The following TNNI3K variants were observed in gnomAD, a reference collection of about 807,000 sequenced individuals.
TNNI3K encodes TNNI3 interacting kinase.
A neutral mutation model predicts 114.5 loss-of-function variants in TNNI3K; 140 were observed. The ratio of observed to expected loss-of-function variants is 1.22; its 90% confidence interval spans 1.07 to 1.41. The LOEUF (loss-of-function observed/expected upper bound fraction) is 1.41, where lower values mean the gene tolerates loss of function less well. TNNI3K is among the 40% of genes most tolerant of loss of function. The pLI is 0.00. For missense variants in TNNI3K, 1,125 were observed against 1,007.6 expected, an observed-to-expected ratio of 1.12 and a Z score of -1.58; for synonymous variants, 347 against 347.5, an observed-to-expected ratio of 1.00 and a Z score of 0.02.
At chr1:74,266,934 T>G (rs1404722301) in intron 4 of TNNI3K, among the ~76,000 whole-genome samples, 1 of 152,000 alleles carries the variant, frequency 6.6e-6, no homozygotes, top group African/African-American at 2.4e-5. Context: ...CTAAGCCTCA[T>G]TCTTCCACAC....
intron 5 of TNNI3K, among the ~76,000 whole-genome samples, chr1:74,287,126 GAAACTAAGGAA>G (rs1251561982): frequency 6.6e-6 from 1 of 151,518 alleles, no homozygotes; most frequent in African/African-American, 2.4e-5. Context: ...AGAAAAAAAA[GAAACTAAGGAA>G]AAAAACAGGT....
At chr1:74,261,822 C>G (rs1407649994) in intron 4 of TNNI3K, among the ~76,000 whole-genome samples, 1 of 152,066 alleles carries the variant, frequency 6.6e-6, no homozygotes, top group Non-Finnish European at 1.5e-5. Flanking sequence ...GGTCATTTAT[C>G]CCATCCTATA....
chr1:74,412,627 C>A (rs1664937456), intron 17 of TNNI3K, among the ~76,000 whole-genome samples: 1 of 152,026 alleles, frequency 6.6e-6, no homozygotes, highest in African/African-American at 2.4e-5. Flanking sequence ...CCTTGTTTTT[C>A]TTTTTGAGAT....
chr1:74,385,626 G>A (rs529266196), intron 17 of TNNI3K, among the ~76,000 whole-genome samples: 1 of 152,224 alleles, frequency 6.6e-6, no homozygotes, highest in African/African-American at 2.4e-5. Flanking sequence ...AGAAAAAAAG[G>A]TTTACTAAGA....
chr1:74,404,889 G>A (rs1034348770), intron 17 of TNNI3K, among the ~76,000 whole-genome samples: 1 of 152,046 alleles, frequency 6.6e-6, no homozygotes, highest in African/African-American at 2.4e-5. Flanking sequence ...TTGATGATTG[G>A]TTGCTTCATT....
intron 18 of TNNI3K, among the ~76,000 whole-genome samples, 158 bp from the exon 19 acceptor site, chr1:74,436,316 A>T (rs1666127580): frequency 6.6e-6 from 1 of 151,938 alleles, no homozygotes; most frequent in South Asian, 2.1e-4. Context: ...TCTGTCATTT[A>T]TTTCTAGTTT....
Position 74,336,800 on chromosome 1 carries a change from G to A in TNNI3K, c.682+651G>A, listed in dbSNP as rs568423057. Reference sequence around the variant, plus strand: ...AGTCTTTGCTATTGTGAATAATGCCGCAATAAACATATGTGTGCATGTGTC... The same window carrying A: ...AGTCTTTGCTATTGTGAATAATGCCACAATAAACATATGTGTGCATGTGTC... On this transcript the variant is annotated intron_variant, in intron 7 of 24. Transcript: ENST00000326637. Among the ~76,000 whole-genome samples the A allele has an allele frequency of 1.6e-4, 24 of 151,526 alleles. 1 individual carries two copies. The South Asian group carries it at 1.9e-3, about 12-fold the overall frequency.
intron 2 of TNNI3K, among the ~76,000 whole-genome samples, chr1:74,241,071 C>G (rs1301722704): frequency 6.6e-6 from 1 of 152,112 alleles, no homozygotes; most frequent in Non-Finnish European, 1.5e-5. Flanking sequence ...TGGTTTCCAG[C>G]TTCAACCATG....
chr1:74,452,904 C>T (rs1667085702), intron 20 of TNNI3K, among the ~76,000 whole-genome samples: 1 of 152,100 alleles, frequency 6.6e-6, no homozygotes, highest in African/African-American at 2.4e-5. Flanking sequence ...GTCTCTTTGT[C>T]AGAGACACTC....
intron 21 of TNNI3K, chr1:74,464,860 T>C: frequency 1.4e-6 from 2 of 1,388,364 alleles, no homozygotes; most frequent in Non-Finnish European, 1.9e-6. Flanking sequence ...TGTTCACTGC[T>C]ATAACACTAA....
chr1:74,466,614 C>T (rs763808256), intron 21 of TNNI3K, among the ~76,000 whole-genome samples: 2 of 152,184 alleles, frequency 1.3e-5, no homozygotes, highest in Non-Finnish European at 2.9e-5. Flanking sequence ...GCAAAGTCTT[C>T]AGCTGGCTTG....
chr1:74,263,922 T>G (rs1212676477), intron 4 of TNNI3K, among the ~76,000 whole-genome samples: 1 of 152,106 alleles, frequency 6.6e-6, no homozygotes, highest in African/African-American at 2.4e-5. Context: ...ATGTATTTAC[T>G]TCCCCCGCCC....
At chr1:74,450,872 TCTGACCCAGTAATCGCATTA>T (rs1666960214) in intron 20 of TNNI3K, among the ~76,000 whole-genome samples, 1 of 152,204 alleles carries the variant, frequency 6.6e-6, no homozygotes, top group South Asian at 2.1e-4. Context: ...AGACATATCA[TCTGACCCAGTAATCGCATTA>T]CTGGGTATAT....
In TNNI3K at chr1:74,239,843, T is replaced by C. The variant is rs116296525; in HGVS notation, c.149+3633T>C. 1,282 of 432,406 alleles carry C rather than the reference T, an allele frequency of 3.0e-3. 17 individuals are homozygous for C. Among genetic ancestry groups the C allele is most frequent in the African/African-American group, 0.025 (1,206 of 48,792 alleles). 26.8% of individuals were successfully genotyped at this position (432,406 alleles called of 1,614,324 possible). A position where few individuals can be genotyped will look rare whatever the true frequency, so the allele number is the denominator to read the frequency against. The stretch of plus-strand genomic sequence containing the variant: ...TAGTTATCCTGCTTATGCCAATTTA[T>C]AGCAGCTTTGGAATGGGAGCTTGAT... On this transcript the variant is annotated intron_variant, in intron 2 of 24. Transcript: ENST00000326637.
intron 22 of TNNI3K, among the ~76,000 whole-genome samples, chr1:74,491,022 TTGTTCTGAAATG>T (rs1669044319): frequency 6.6e-6 from 1 of 152,212 alleles, no homozygotes; most frequent in South Asian, 2.1e-4. Context: ...ATGATTAGTC[TTGTTCTGAAATG>T]GCAAAGTGGT....
intron 5 of TNNI3K, among the ~76,000 whole-genome samples, chr1:74,275,972 T>G (rs906002108): frequency 6.6e-6 from 1 of 152,094 alleles, no homozygotes; most frequent in Non-Finnish European, 1.5e-5. Context: ...TGAGAAAATA[T>G]TTCAGCAAGA....
chr1:74,347,174 C>T (rs1344713313), intron 9 of TNNI3K, among the ~76,000 whole-genome samples: 16 of 120,504 alleles, frequency 1.3e-4, no homozygotes, highest in South Asian at 3.3e-4. Context: ...CAACAGTCTC[C>T]GGTGTGTGAT....
intron 23 of TNNI3K, among the ~76,000 whole-genome samples, chr1:74,499,992 G>T: frequency 6.6e-6 from 1 of 151,228 alleles, no homozygotes; most frequent in South Asian, 2.1e-4. Context: ...CCTTTCCTTT[G>T]ATTATTTGAA....
intron 21 of TNNI3K, among the ~76,000 whole-genome samples, chr1:74,481,429 T>C (rs539064450): frequency 6.6e-6 from 1 of 152,270 alleles, no homozygotes; most frequent in South Asian, 2.1e-4. Flanking sequence ...AAGTCAATCA[T>C]CTTTTCTCCC....
Sources: allele counts gnomAD v4.1 joint callset (sites outside exome capture counted in the v4.1 genomes callset), GRCh38; gene constraint gnomAD v4.1.1; transcripts MANE v1.5; gene names NCBI Gene and HGNC (gene_info 2026-07-23, HGNC 2026-07-21).